Variants in ADAMTSL1 observed in about 807,000 individuals in gnomAD.
ADAMTSL1 encodes ADAMTS like 1.
ADAMTSL1 carries 126 observed loss-of-function variants against 201.8 expected under a neutral mutation model. The ratio of observed to expected loss-of-function variants is 0.62; its 90% CI spans 0.54 to 0.72. The LOEUF (loss-of-function observed/expected upper bound fraction) is 0.72, where lower values mean the gene tolerates loss of function less well. Among genes scored for constraint, ADAMTSL1 ranks in the 30% least tolerant of loss-of-function variants. ADAMTSL1 has a pLI of 0.00. For missense variants in ADAMTSL1, 2,679 were observed against 2,277.8 expected (o/e 1.18, Z -3.59); for synonymous variants, 1,121 against 903.4 (o/e 1.24, Z -4.32).
upstream of ADAMTSL1, among the ~76,000 whole-genome samples, chr9:18,473,657 T>C (rs1377831000): frequency 6.6e-6 from 1 of 152,182 alleles, no homozygotes; most frequent in Non-Finnish European, 1.5e-5. Flanking sequence ...ACAGGGCACA[T>C]TAAGTCGGTT....
intron 1 of ADAMTSL1, among the ~76,000 whole-genome samples, chr9:18,030,375 C>G (rs1401872087): frequency 6.6e-6 from 1 of 151,734 alleles, no homozygotes; most frequent in Non-Finnish European, 1.5e-5. Context: ...GGAAGGGGAA[C>G]ATCACACACC....
chr9:18,177,231 T>C (rs1161474253), intron 2 of ADAMTSL1, among the ~76,000 whole-genome samples: 1 of 152,148 alleles, frequency 6.6e-6, no homozygotes, highest in Non-Finnish European at 1.5e-5. Flanking sequence ...AATGAATGCA[T>C]GTGTGGAGAA....
chr9:18,517,902 G>A (rs186012495), intron 2 of ADAMTSL1, among the ~76,000 whole-genome samples: 364 of 152,230 alleles, frequency 2.4e-3, no homozygotes, highest in Non-Finnish European at 4.2e-3. Flanking sequence ...ACAGATGTGA[G>A]GCCGAAAGTT....
chr9:18,130,283 C>T (rs1825897391), intron 1 of ADAMTSL1, among the ~76,000 whole-genome samples: 2 of 152,104 alleles, frequency 1.3e-5, no homozygotes, highest in Admixed American at 1.3e-4. Flanking sequence ...TGCTTTCTGG[C>T]CTGGAAGAAA....
intron 21 of ADAMTSL1, among the ~76,000 whole-genome samples, chr9:18,818,202 CA>C (rs1823984566): frequency 6.6e-6 from 1 of 152,062 alleles, no homozygotes; most frequent in South Asian, 2.1e-4. Context: ...TGCCATTGGG[CA>C]ACTAGTCTTC....
intron 1 of ADAMTSL1, among the ~76,000 whole-genome samples, chr9:17,996,681 C>T (rs1171234215): frequency 6.6e-6 from 1 of 151,890 alleles, no homozygotes; most frequent in Admixed American, 6.6e-5. Context: ...TTTTCTATTC[C>T]TTTCCCTCCC....
intron 1 of ADAMTSL1, among the ~76,000 whole-genome samples, chr9:18,128,515 T>C (rs1825827878): frequency 6.6e-6 from 1 of 152,074 alleles, no homozygotes; most frequent in Non-Finnish European, 1.5e-5. Flanking sequence ...GGAACCATTT[T>C]GCCCAGGCTG....
chr9:18,908,440 A>G lies in ADAMTSL1; in HGVS notation c.5183-2A>G, dbSNP rs1055460544. ...TCTCCCGACCCCGTCCTCCTTTCCCAGTGGAGTGCAGAGACACCACCAGGT... is the reference window on the plus strand; with the variant it reads ...TCTCCCGACCCCGTCCTCCTTTCCCGGTGGAGTGCAGAGACACCACCAGGT... On this transcript the variant is annotated splice_acceptor_variant, in intron 28 of 28. Coordinates refer to ENST00000380548, the MANE Select transcript of ADAMTSL1 (RefSeq NM_001040272.6). LOFTEE classifies it high-confidence loss of function. The G allele has an allele frequency of 3.9e-6, 6 of 1,554,092 alleles. No homozygotes were observed. Among genetic ancestry groups the G allele is most frequent in the Non-Finnish European group, 5.2e-6 (6 of 1,148,004 alleles).
intron 2 of ADAMTSL1, among the ~76,000 whole-genome samples, chr9:18,373,447 AT>A (rs1837141116): frequency 1.3e-5 from 2 of 152,088 alleles, no homozygotes; most frequent in African/African-American, 4.8e-5. Context: ...CAATCTTTTC[AT>A]ATCATCTTTT....
chr9:18,520,776 C>T (rs1052539246), intron 2 of ADAMTSL1, among the ~76,000 whole-genome samples: 4 of 152,040 alleles, frequency 2.6e-5, no homozygotes, highest in Non-Finnish European at 5.9e-5. Context: ...CCACATTTAT[C>T]AAGTCATCAT....
chr9:18,340,962 A>C (rs1423711149), intron 2 of ADAMTSL1, among the ~76,000 whole-genome samples: 1 of 152,010 alleles, frequency 6.6e-6, no homozygotes, highest in African/African-American at 2.4e-5. Context: ...CCCCACTGTC[A>C]CTACTGTCAT....
At chr9:18,517,421 A>C (rs1256933249) in intron 2 of ADAMTSL1, among the ~76,000 whole-genome samples, 2 of 150,462 alleles carry the variant, frequency 1.3e-5, no homozygotes, top group African/African-American at 2.4e-5. Context: ...TTTTTAATTT[A>C]TTTTTTTTTA....
chr9:18,537,249 G>T (rs1048619115), intron 3 of ADAMTSL1, among the ~76,000 whole-genome samples: 1 of 152,132 alleles, frequency 6.6e-6, no homozygotes, highest in African/African-American at 2.4e-5. Context: ...ATCAGCAGTT[G>T]GTGCAATGCA....
chr9:18,580,164 T>C (rs890992512), intron 4 of ADAMTSL1, among the ~76,000 whole-genome samples: 1 of 152,204 alleles, frequency 6.6e-6, no homozygotes, highest in Non-Finnish European at 1.5e-5. Flanking sequence ...AGAATTCCTT[T>C]CAAGTAATGC....
intron 1 of ADAMTSL1, among the ~76,000 whole-genome samples, chr9:18,101,233 CACGTCTA>C (rs1252494125): frequency 2.0e-5 from 3 of 152,108 alleles, no homozygotes; most frequent in Admixed American, 2.0e-4. Flanking sequence ...CACGGTGGCT[CACGTCTA>C]TAATCTTAGC....
At chr9:18,752,837 A>T in intron 15 of ADAMTSL1, among the ~76,000 whole-genome samples, 1 of 152,198 alleles carries the variant, frequency 6.6e-6, no homozygotes, top group Non-Finnish European at 1.5e-5. Context: ...GGAGCCAATG[A>T]CCTTTCACTT....
chr9:18,356,147 G>T (rs1279139466), intron 2 of ADAMTSL1, among the ~76,000 whole-genome samples: 3 of 152,202 alleles, frequency 2.0e-5, no homozygotes, highest in African/African-American at 7.2e-5. Context: ...GGGACATGGG[G>T]GTGTCTCCCT....
intron 3 of ADAMTSL1, among the ~76,000 whole-genome samples, chr9:18,572,344 ATATT>A (rs1186748115): frequency 6.6e-6 from 1 of 152,078 alleles, no homozygotes; most frequent in Admixed American, 6.6e-5. Context: ...TATAGCACAC[ATATT>A]TATTTATTTA....
chr9:18,783,751 CTT>C (rs1821538061), intron 19 of ADAMTSL1, among the ~76,000 whole-genome samples: 1 of 152,166 alleles, frequency 6.6e-6, no homozygotes, highest in Admixed American at 6.5e-5. Flanking sequence ...AAAAGAATGA[CTT>C]TTACATTTTT....
Sources: allele counts gnomAD v4.1 joint callset (sites outside exome capture counted in the v4.1 genomes callset), GRCh38; gene constraint gnomAD v4.1.1; transcripts MANE v1.5; gene names NCBI Gene and HGNC (gene_info 2026-07-23, HGNC 2026-07-21).